Variants in CCDC191 observed in about 807,000 individuals in gnomAD.
The protein encoded by CCDC191 is coiled-coil domain containing 191, also known as coiled-coil domain-containing protein 191.
A neutral mutation model predicts 114.0 loss-of-function variants in CCDC191; 99 were observed. The observed-to-expected ratio is 0.87, with a 90% CI of 0.74 to 1.03. CCDC191 has a LOEUF of 1.03. Ranked by LOEUF, CCDC191 falls within the 50% of genes least tolerant of loss-of-function variation. CCDC191 has a pLI of 0.00. For synonymous variants in CCDC191, 351 were observed against 376.0 expected, an observed-to-expected ratio of 0.93 and a Z score of 0.77; for missense variants, 973 against 1,087.0, an observed-to-expected ratio of 0.90 and a Z score of 1.47.
At position 114,035,006 on chromosome 3, in the gene CCDC191, T is replaced by A; in HGVS notation, c.737A>T (p.Glu246Val). The change falls in exon 6 of 17, where the codon GAA (glutamate) becomes GTA (valine). Residue 246 changes from glutamate to valine, a missense_variant. Coordinates refer to ENST00000295878, the MANE Select transcript of CCDC191 (RefSeq NM_020817.2). ...KRKALEAKKE[E>V]EEIQREMVKL... ...CACCATCTCCCTTTGAATCTCCTCT[T>A]CCTCTTTCTTGGCCTCCAGAGCCTT... 1 of 1,614,134 alleles carries A rather than the reference T, an allele frequency of 6.2e-7. No homozygotes were observed. Among genetic ancestry groups the A allele is most frequent in the Non-Finnish European group, 8.5e-7 (1 of 1,180,014 alleles).
chr3:114,010,550 C>T (rs1037743516), intron 9 of CCDC191, among the ~76,000 whole-genome samples: 8 of 152,082 alleles, frequency 5.3e-5, no homozygotes, highest in Non-Finnish European at 2.9e-5. Flanking sequence ...AATGCCCTTT[C>T]GATATTAAAT....
chr3:113,995,463 G>A (rs551062183), intron 13 of CCDC191, among the ~76,000 whole-genome samples: 1 of 152,120 alleles, frequency 6.6e-6, no homozygotes, highest in African/African-American at 2.4e-5. Context: ...GAATGTCAGG[G>A]ATTCCAGGAT....
At chr3:114,013,229 G>C (rs1352999565) in intron 8 of CCDC191, among the ~76,000 whole-genome samples, 3 of 151,472 alleles carry the variant, frequency 2.0e-5, no homozygotes, top group Non-Finnish European at 4.4e-5. Context: ...CTGGGCAACA[G>C]AGTGAGACCC....
intron 11 of CCDC191, 53 bp downstream of exon 11, chr3:114,004,584 T>A: frequency 6.3e-7 from 1 of 1,586,698 alleles, no homozygotes; most frequent in Non-Finnish European, 8.6e-7. Flanking sequence ...GTACACATTC[T>A]ACTCTAGGAG....
At chr3:113,991,775 T>C (rs2075575011) in intron 13 of CCDC191, among the ~76,000 whole-genome samples, 2 of 152,192 alleles carry the variant, frequency 1.3e-5, no homozygotes, top group Non-Finnish European at 2.9e-5. Context: ...CCAAATAATT[T>C]ACAAAAGTAC....
At chr3:114,044,839 A>G (rs554244913) in intron 3 of CCDC191, among the ~76,000 whole-genome samples, 1 of 152,368 alleles carries the variant, frequency 6.6e-6, no homozygotes, top group Admixed American at 6.5e-5. Flanking sequence ...ACCTTGTGTT[A>G]GACCACATGA....
At chr3:114,029,349 T>C (rs2076371701) in intron 7 of CCDC191, among the ~76,000 whole-genome samples, 1 of 152,108 alleles carries the variant, frequency 6.6e-6, no homozygotes, top group African/African-American at 2.4e-5. Context: ...AATGAGCTCA[T>C]ACTGAATAAA....
intron 11 of CCDC191, 163 bp downstream of exon 11, chr3:114,004,474 T>C: frequency 7.7e-7 from 1 of 1,300,680 alleles, no homozygotes. Flanking sequence ...TGGGGCTCTC[T>C]GGTGTACTCC....
intron 2 of CCDC191, among the ~76,000 whole-genome samples, chr3:114,051,518 A>C (rs1006025499): frequency 6.6e-6 from 1 of 152,226 alleles, no homozygotes; most frequent in African/African-American, 2.4e-5. Flanking sequence ...GCTTGAGCCC[A>C]GGAGTTTGAG....
Position 113,965,363 on chromosome 3 carries a change from TAAGAATAAAGAAGGAAA to T in CCDC191, c.2607-21_2607-5del. The stretch of plus-strand genomic sequence containing the variant: ...AAGGGTGATCCAGAGGATCCTCCTT[TAAGAATAAAGAAGGAAA>T]AAAGTGAAATGTTGAGAAAAAGTTG... On this transcript the variant is annotated splice_region_variant and splice_polypyrimidine_tract_variant and intron_variant, in intron 16 of 16. Transcript: ENST00000295878. 3 of 1,546,530 alleles carry T rather than the reference TAAGAATAAAGAAGGAAA, an allele frequency of 1.9e-6. No individual in the cohort carries two copies. The highest frequency in any genetic ancestry group is 2.6e-6 in the Non-Finnish European group (3 of 1,146,426).
rs569091716 is a variant in CCDC191, at chr3:114,046,804, C to T, written c.130-72G>A. 3.5e-4 allele frequency: 516 copies of T among 1,482,658 alleles called. 5 individuals carry two copies. The South Asian group carries it at 5.9e-3, about 17-fold the overall frequency. The allele number at this position is 1,482,658 out of a possible 1,614,324, so 91.8% of individuals were successfully genotyped here. On this transcript the variant is annotated intron_variant, in intron 2 of 16. Coordinates refer to ENST00000295878, the MANE Select transcript of CCDC191 (RefSeq NM_020817.2). ...GTTCAGTTAGAGAATTTCTCTCCTA[C>T]TCAAGAAACTGATTTTCTACCACCT...
chr3:114,003,322 T>C (rs2075889175), intron 11 of CCDC191: 7 of 985,296 alleles, frequency 7.1e-6, no homozygotes, highest in Non-Finnish European at 8.4e-6. Context: ...CCTTGTGCCA[T>C]ATTTTAGAGA....
chr3:114,008,531 G>C (rs1348266361), intron 9 of CCDC191, among the ~76,000 whole-genome samples: 2 of 152,044 alleles, frequency 1.3e-5, no homozygotes, highest in African/African-American at 2.4e-5. Flanking sequence ...GGGGGTAGAA[G>C]CTCTTCTCCA....
rs1253518373 is a variant in CCDC191 at position 114,035,151 on chromosome 3, T to C, written c.595-3A>G. The C allele has an allele frequency of 1.3e-6, 2 of 1,596,670 alleles. No homozygotes were observed. The highest frequency in any genetic ancestry group is 1.1e-5 in the South Asian group (1 of 90,058). On this transcript the variant is annotated splice_region_variant and splice_polypyrimidine_tract_variant and intron_variant, in intron 5 of 16. Transcript: ENST00000295878. Reference sequence around the variant, plus strand: ...CGTCTTAAGCGATTTTCTTTTACCTTAAAGCAAATATAATAAAGATGAAGT... The same window carrying C: ...CGTCTTAAGCGATTTTCTTTTACCTCAAAGCAAATATAATAAAGATGAAGT...
intron 8 of CCDC191, among the ~76,000 whole-genome samples, chr3:114,013,802 C>T (rs1267210318): frequency 6.6e-6 from 1 of 152,134 alleles, no homozygotes; most frequent in East Asian, 1.9e-4. Context: ...TACTGGGTGA[C>T]TGGTGCATGT....
Position 114,042,752 on chromosome 3 carries a change from G to A in CCDC191, c.366C>T (p.Val122=), listed in dbSNP as rs1412003904. The A allele has an allele frequency of 1.3e-6, 2 of 1,597,104 alleles. No individual in the cohort carries two copies. Among genetic ancestry groups the A allele is most frequent in the African/African-American group, 1.4e-5 (1 of 73,672 alleles). ...EGDAKNTVSS[V]TIMPEANGHL... ...GGCCATTGGCTTCCGGCATAATAGT[G>A]ACACTTGACACAGTGTTTTTAGCAT... The change falls in exon 4 of 17, where the codon GTC becomes GTT. Residue 122 remains valine (V), a synonymous_variant. Coordinates refer to ENST00000295878, the MANE Select transcript of CCDC191 (RefSeq NM_020817.2).
intron 8 of CCDC191, among the ~76,000 whole-genome samples, chr3:114,017,069 C>T (rs2076170520): frequency 6.6e-6 from 1 of 151,484 alleles, no homozygotes; most frequent in African/African-American, 2.4e-5. Flanking sequence ...TTGACTAGGT[C>T]ACCCTCCTGC....
intron 1 of CCDC191, among the ~76,000 whole-genome samples, chr3:114,055,182 G>A (rs983369717): frequency 1.3e-5 from 2 of 152,158 alleles, no homozygotes; most frequent in Admixed American, 6.5e-5. Flanking sequence ...AACAAAGAAA[G>A]AGCTGATCTA....
chr3:114,005,777 G>A lies in CCDC191; in HGVS notation c.1599C>T (p.Ser533=). The change falls in exon 10 of 17, where the codon AGC becomes AGT. Residue 533 remains serine (S), a synonymous_variant. Transcript: ENST00000295878. ...GGCTGGTAGTTCTGAGTGTCTCGTT[G>A]CTGCCAGGCTGTTGAGAGGGTTCAG... ...LGAEPSQQPG[S]NETLRTTSQK... The A allele has an allele frequency of 1.9e-6, 3 of 1,614,092 alleles. No individual in the cohort carries two copies. Among genetic ancestry groups the A allele is most frequent in the Non-Finnish European group, 2.5e-6 (3 of 1,180,002 alleles).
Sources: gnomAD v4.1 joint callset for allele counts (sites outside exome capture counted in the v4.1 genomes callset) on GRCh38, gnomAD v4.1.1 for gene constraint, MANE v1.5 for transcripts, NCBI Gene and HGNC (gene_info 2026-07-23, HGNC 2026-07-21) for gene names.